The following CARMIL1 variants were observed in gnomAD, a reference collection of about 807,000 sequenced individuals.
CARMIL1 encodes the protein F-actin-uncapping protein LRRC16A.
A neutral mutation model predicts 177.1 loss-of-function variants in CARMIL1; 90 were observed. The observed-to-expected ratio is 0.51, with a 90% CI of 0.43 to 0.61. The LOEUF is 0.61. CARMIL1 is among the 20% of genes least tolerant of loss of function. CARMIL1 has a pLI of 0.00. For missense variants in CARMIL1, 1,380 were observed against 1,667.0 expected (o/e 0.83, Z 3.00); for synonymous variants, 577 against 606.2 (o/e 0.95, Z 0.71).
intron 26 of CARMIL1, among the ~76,000 whole-genome samples, chr6:25,543,984 G>A (rs1282086114): frequency 6.6e-6 from 1 of 152,044 alleles, no homozygotes; most frequent in Non-Finnish European, 1.5e-5. Flanking sequence ...CCTCATAACT[G>A]TCATTAGAGA....
intron 34 of CARMIL1, among the ~76,000 whole-genome samples, chr6:25,605,779 G>A (rs941999546): frequency 6.6e-6 from 1 of 152,118 alleles, no homozygotes; most frequent in African/African-American, 2.4e-5. Context: ...ATGTGATTAC[G>A]GCACTGTACA....
At chr6:25,298,829 AC>A (rs1782633456) in intron 2 of CARMIL1, among the ~76,000 whole-genome samples, 1 of 147,674 alleles carries the variant, frequency 6.8e-6, no homozygotes, top group African/African-American at 2.5e-5. Flanking sequence ...ATCTCGGCTC[AC>A]CGCAACCTCC....
At chr6:25,605,650 G>A (rs1011944614) in intron 34 of CARMIL1, among the ~76,000 whole-genome samples, 2 of 152,150 alleles carry the variant, frequency 1.3e-5, no homozygotes, top group African/African-American at 4.8e-5. Context: ...TGTAGCCAGA[G>A]CCCTAACTGC....
chr6:25,366,446 C>T lies in CARMIL1; in HGVS notation c.139-53668C>T, dbSNP rs372344006. On this transcript the variant is annotated intron_variant, in intron 2 of 36. Transcript: ENST00000329474. Reference sequence around the variant, plus strand: ...TGCCTGACATTTAAAATTGTAACACCTCACCCTCACCCCATTCTGCTTTAC... The same window carrying T: ...TGCCTGACATTTAAAATTGTAACACTTCACCCTCACCCCATTCTGCTTTAC... 3.3e-5 allele frequency among the ~76,000 whole-genome samples: 5 copies of T among 151,928 alleles called. No individual in the cohort carries two copies. The East Asian group carries it at 5.8e-4, about 18-fold the overall frequency.
chr6:25,580,991 G>A lies in CARMIL1; in HGVS notation c.2809+1G>A. ...CTGCGGCCTGTTTCTAGGGCTTTTGGTAAGTGTTTTGCTGCTGCCAATCAT... is the reference window on the plus strand; with the variant it reads ...CTGCGGCCTGTTTCTAGGGCTTTTGATAAGTGTTTTGCTGCTGCCAATCAT... On this transcript the variant is annotated splice_donor_variant, in intron 30 of 36. Coordinates refer to ENST00000329474, the MANE Select transcript of CARMIL1 (RefSeq NM_017640.6). LOFTEE classifies it high-confidence loss of function. The A allele has an allele frequency of 1.3e-6, 2 of 1,592,798 alleles. No homozygotes were observed. The highest frequency in any genetic ancestry group is 1.7e-6 in the Non-Finnish European group (2 of 1,168,772).
chr6:25,437,716 ATTG>A (rs1340206343), intron 5 of CARMIL1, among the ~76,000 whole-genome samples: 1 of 152,126 alleles, frequency 6.6e-6, no homozygotes, highest in Admixed American at 6.5e-5. Context: ...AATTAATGGC[ATTG>A]TTGTTCACAT....
intron 4 of CARMIL1, among the ~76,000 whole-genome samples, chr6:25,434,518 ATTTTTTT>A (rs5875039): frequency 7.9e-5 from 8 of 101,704 alleles, no homozygotes; most frequent in Admixed American, 1.1e-4. Flanking sequence ...GCTCAAAACC[ATTTTTTT>A]TTTTTTTTTT....
chr6:25,284,606 A>G (rs1023832956), intron 1 of CARMIL1, among the ~76,000 whole-genome samples: 5 of 152,154 alleles, frequency 3.3e-5, no homozygotes, highest in Admixed American at 3.3e-4. Flanking sequence ...CTGTTCGGGA[A>G]GCTGAGGCAG....
chr6:25,546,675 A>AC (rs1809520128), intron 26 of CARMIL1, among the ~76,000 whole-genome samples: 1 of 74,156 alleles, frequency 1.3e-5, no homozygotes, highest in African/African-American at 5.3e-5. Context: ...ACAACAAAAA[A>AC]AAAAAAAAAA....
chr6:25,494,083 ATAT>A (rs145242367), intron 15 of CARMIL1, among the ~76,000 whole-genome samples: 16,404 of 149,012 alleles, frequency 0.11, 1,192 homozygotes, highest in East Asian at 0.28. Flanking sequence ...TATACATTAA[ATAT>A]TATTATTATT....
intron 24 of CARMIL1, among the ~76,000 whole-genome samples, chr6:25,532,376 G>A (rs950797798): frequency 3.9e-5 from 6 of 152,142 alleles, no homozygotes; most frequent in Non-Finnish European, 8.8e-5. Flanking sequence ...AGCAGTATGT[G>A]GATGTTTAAT....
chr6:25,316,243 G>A (rs1784260251), intron 2 of CARMIL1, among the ~76,000 whole-genome samples: 1 of 152,090 alleles, frequency 6.6e-6, no homozygotes, highest in South Asian at 2.1e-4. Flanking sequence ...CCTGCCTGGC[G>A]AAGCATTGCA....
intron 2 of CARMIL1, among the ~76,000 whole-genome samples, chr6:25,360,440 T>C (rs1789074097): frequency 1.3e-5 from 2 of 152,266 alleles, no homozygotes; most frequent in South Asian, 4.1e-4. Context: ...TTAATTTTCA[T>C]GTTTCCAGCT....
Position 25,560,330 on chromosome 6 carries a change from T to C in CARMIL1, c.2742+3480T>C, listed in dbSNP as rs548529444. 3.3e-5 allele frequency among the ~76,000 whole-genome samples: 5 copies of C among 152,206 alleles called. No homozygotes were observed. In the South Asian group the frequency reaches 1.0e-3, roughly 32 times the overall value. ...ATCTAGTTCAGGTGGTAGGACACAG[T>C]GGGGAGGAAGATAACACAAACTATT... On this transcript the variant is annotated intron_variant, in intron 29 of 36. Transcript: ENST00000329474.
At chr6:25,444,469 C>T (rs776264996) in intron 5 of CARMIL1, among the ~76,000 whole-genome samples, 5 of 151,844 alleles carry the variant, frequency 3.3e-5, no homozygotes, top group Non-Finnish European at 5.9e-5. Context: ...TGGTTTGCTA[C>T]ACCCATCAAC....
chr6:25,390,090 A>T (rs1012577480), intron 2 of CARMIL1, among the ~76,000 whole-genome samples: 4 of 151,998 alleles, frequency 2.6e-5, no homozygotes, highest in African/African-American at 9.7e-5. Flanking sequence ...ATTAGTTGTG[A>T]TTAGGCAGCT....
intron 2 of CARMIL1, among the ~76,000 whole-genome samples, chr6:25,343,317 T>C (rs997543343): frequency 7.3e-5 from 2 of 27,522 alleles, no homozygotes; most frequent in African/African-American, 2.7e-4. Flanking sequence ...GTATTTTTGC[T>C]TTTTTTTTTT....
At chr6:25,324,983 G>A (rs568417394) in intron 2 of CARMIL1, among the ~76,000 whole-genome samples, 1 of 152,106 alleles carries the variant, frequency 6.6e-6, no homozygotes, top group Non-Finnish European at 1.5e-5. Flanking sequence ...GCCATGCAGA[G>A]CCTCTTAGGT....
At chr6:25,347,515 C>T (rs1787640031) in intron 2 of CARMIL1, among the ~76,000 whole-genome samples, 1 of 152,282 alleles carries the variant, frequency 6.6e-6, no homozygotes, top group South Asian at 2.1e-4. Context: ...TTTCTGCTTC[C>T]TAGTAAGTTT....
Sources: allele counts gnomAD v4.1 joint callset (sites outside exome capture counted in the v4.1 genomes callset), GRCh38; gene constraint gnomAD v4.1.1; transcripts MANE v1.5; gene names NCBI Gene and HGNC (gene_info 2026-07-23, HGNC 2026-07-21).